The following CCDC149 variants were observed in gnomAD, a reference collection of about 807,000 sequenced individuals.
The protein encoded by CCDC149 is coiled-coil domain containing 149.
CCDC149 carries 45 observed loss-of-function variants against 59.9 expected under a neutral mutation model. The observed-to-expected ratio is 0.75, with a 90% CI of 0.59 to 0.96. The LOEUF (loss-of-function observed/expected upper bound fraction) is 0.96. CCDC149 is among the 40% of genes least tolerant of loss of function. CCDC149 has a pLI of 0.00. For synonymous variants in CCDC149, 245 were observed against 260.6 expected (o/e 0.94, Z 0.58); for missense variants, 584 against 664.7 (o/e 0.88, Z 1.33).
At chr4:24,886,162 T>C (rs889948332) in intron 1 of CCDC149, among the ~76,000 whole-genome samples, 5 of 152,224 alleles carry the variant, frequency 3.3e-5, no homozygotes, top group Non-Finnish European at 7.3e-5. Context: ...TAAGCAATAG[T>C]AACTGACATT....
chr4:24,864,651 T>A (rs1718585738), intron 3 of CCDC149, among the ~76,000 whole-genome samples: 1 of 152,246 alleles, frequency 6.6e-6, no homozygotes, highest in Non-Finnish European at 1.5e-5. Flanking sequence ...ACTCTTTCTC[T>A]ATTGCAATTT....
At chr4:24,915,881 T>C (rs1372192636), upstream of CCDC149, among the ~76,000 whole-genome samples, 1 of 152,200 alleles carries the variant, frequency 6.6e-6, no homozygotes, top group Non-Finnish European at 1.5e-5. Flanking sequence ...AGTTTAAGCT[T>C]TTAGGCACCT....
At chr4:24,901,191 T>A (rs555422819) in intron 1 of CCDC149, among the ~76,000 whole-genome samples, 1 of 152,270 alleles carries the variant, frequency 6.6e-6, no homozygotes, top group African/African-American at 2.4e-5. Flanking sequence ...GTGGAAAGAC[T>A]TCAAAGTAAA....
At chr4:24,937,374 A>G (rs1345878652) in intron 1 of CCDC149, among the ~76,000 whole-genome samples, 1 of 152,194 alleles carries the variant, frequency 6.6e-6, no homozygotes, top group Admixed American at 6.5e-5. Flanking sequence ...AGAATAACCT[A>G]TTGACCAAAT....
intron 3 of CCDC149, among the ~76,000 whole-genome samples, chr4:24,855,012 T>C (rs1171519059): frequency 2.6e-5 from 4 of 152,214 alleles, no homozygotes; most frequent in Non-Finnish European, 5.9e-5. Context: ...CCATCTGTTA[T>C]CATTTACTTC....
chr4:24,818,253 AAAAG>A (rs1715141770), intron 12 of CCDC149, among the ~76,000 whole-genome samples: 1 of 152,276 alleles, frequency 6.6e-6, no homozygotes, highest in African/African-American at 2.4e-5. Flanking sequence ...GGGTGACAAA[AAAAG>A]AAGGAAGAAA....
Position 24,845,645 on chromosome 4 carries a change from T to C in CCDC149, c.373-7373A>G, listed in dbSNP as rs79546052. The stretch of plus-strand genomic sequence containing the variant: ...CCATCTGCCTCCACTAGAACGAAAC[T>C]CCCATGGGAGCAGGGACTCATTGAT... On this transcript the variant is annotated intron_variant, in intron 4 of 12. Coordinates refer to ENST00000635206, the MANE Select transcript of CCDC149 (RefSeq NM_001330643.2). Among the ~76,000 whole-genome samples, 1,366 of 152,264 alleles carry C rather than the reference T, an allele frequency of 9.0e-3. 17 individuals are homozygous for C. The highest frequency in any genetic ancestry group is 0.031 in the African/African-American group (1,276 of 41,538).
intron 1 of CCDC149, among the ~76,000 whole-genome samples, chr4:24,940,797 G>C (rs1030873730): frequency 6.6e-6 from 1 of 152,086 alleles, no homozygotes; most frequent in African/African-American, 2.4e-5. Context: ...AAGAGACAAA[G>C]AAGGCCATGA....
At chr4:24,940,931 C>G (rs1722935865) in intron 1 of CCDC149, among the ~76,000 whole-genome samples, 1 of 152,116 alleles carries the variant, frequency 6.6e-6, no homozygotes, top group African/African-American at 2.4e-5. Flanking sequence ...ACTTAGACTC[C>G]CACATAATAA....
At chr4:24,957,363 T>C (rs983641464) in intron 1 of CCDC149, among the ~76,000 whole-genome samples, 1 of 152,200 alleles carries the variant, frequency 6.6e-6, no homozygotes, top group South Asian at 2.1e-4. Context: ...TAAGCTCACA[T>C]GTATAACTTT....
At chr4:24,938,687 C>T (rs1722854776) in intron 1 of CCDC149, among the ~76,000 whole-genome samples, 1 of 152,150 alleles carries the variant, frequency 6.6e-6, no homozygotes, top group African/African-American at 2.4e-5. Flanking sequence ...AATTGGGTCA[C>T]TCCCACCCTA....
chr4:24,834,665 G>A (rs907502723), intron 8 of CCDC149, among the ~76,000 whole-genome samples: 1 of 152,084 alleles, frequency 6.6e-6, no homozygotes, highest in African/African-American at 2.4e-5. Context: ...CCCAAAGTGG[G>A]GTCCCTAATC....
chr4:24,870,947 A>G (rs554792004), intron 3 of CCDC149, among the ~76,000 whole-genome samples: 8 of 151,758 alleles, frequency 5.3e-5, no homozygotes, highest in Non-Finnish European at 1.2e-4. Context: ...CGGGGGGCTA[A>G]GGCAGGAGAA....
chr4:24,931,630 A>T (rs1222491929), intron 1 of CCDC149, among the ~76,000 whole-genome samples: 2 of 151,482 alleles, frequency 1.3e-5, no homozygotes, highest in African/African-American at 2.4e-5. Flanking sequence ...AACTAGTCAC[A>T]TGACCCTAAT....
At chr4:24,916,046 C>T (rs191164174), upstream of CCDC149, among the ~76,000 whole-genome samples, 79 of 152,250 alleles carry the variant, frequency 5.2e-4, no homozygotes, top group Admixed American at 3.8e-3. Context: ...ATGTCCCATC[C>T]GACAGTCCAT....
In CCDC149 at chr4:24,837,349, C is replaced by T. The variant is rs1191512175; in HGVS notation, c.541G>A (p.Val181Ile). Residue 181 changes from valine to isoleucine, a missense_variant, in exon 6 of 13, where the codon GTT becomes ATT. Val to Ile is a conservative substitution (Grantham distance 29, BLOSUM62 3). Transcript: ENST00000635206. The surrounding 1 kb of genome is among the most constrained non-coding windows in gnomAD (Gnocchi z 4.3). Reference sequence around the variant, plus strand: ...TGGTAGGAAGACCGTTCTTCTTTAACATCCTGAAGCTCGTCCACAGAAGCC... The same window carrying T: ...TGGTAGGAAGACCGTTCTTCTTTAATATCCTGAAGCTCGTCCACAGAAGCC... 1.2e-6 allele frequency: 2 copies of T among 1,614,172 alleles called. No homozygotes were observed. Among genetic ancestry groups the T allele is most frequent in the East Asian group, 4.5e-5 (2 of 44,876 alleles).
intron 12 of CCDC149, among the ~76,000 whole-genome samples, chr4:24,810,109 T>C (rs1354875928): frequency 6.6e-6 from 1 of 152,144 alleles, no homozygotes; most frequent in Admixed American, 6.5e-5. Context: ...CATGCACTGA[T>C]CAGTTTCTCC....
chr4:24,885,854 T>G (rs2695225), intron 1 of CCDC149, among the ~76,000 whole-genome samples: 5,078 of 152,330 alleles, frequency 0.033, 125 homozygotes, highest in East Asian at 0.099. Context: ...TAGTATTTTT[T>G]TGAATATCTA....
chr4:24,883,578 A>G (rs1317688965), intron 1 of CCDC149, among the ~76,000 whole-genome samples: 1 of 152,056 alleles, frequency 6.6e-6, no homozygotes, highest in African/African-American at 2.4e-5. Context: ...GAAATCATTC[A>G]CTTGTTCTCT....
Sources: allele counts gnomAD v4.1 joint callset (sites outside exome capture counted in the v4.1 genomes callset), GRCh38; gene constraint gnomAD v4.1.1; non-coding constraint Gnocchi (gnomAD v3.1); transcripts MANE v1.5; gene names NCBI Gene and HGNC (gene_info 2026-07-23, HGNC 2026-07-21).